The following ARHGAP19 variants were observed in gnomAD, a reference collection of about 807,000 sequenced individuals.
ARHGAP19 encodes the protein rho GTPase-activating protein 19.
In ARHGAP19, 48 loss-of-function variants were observed where a neutral mutation model predicts 60.9. That is an observed-to-expected ratio of 0.79 (90% confidence interval 0.62 to 1.00). The LOEUF is 1.00. Among genes scored for constraint, ARHGAP19 ranks in the 50% least tolerant of loss-of-function variants. The pLI, the probability that ARHGAP19 is intolerant of heterozygous loss-of-function variation, is 0.00. For missense variants in ARHGAP19, 562 were observed against 597.2 expected (o/e 0.94, Z 0.61); for synonymous variants, 209 against 215.5 (o/e 0.97, Z 0.27).
chr10:97,284,008 A>C (rs1335521460), intron 1 of ARHGAP19, among the ~76,000 whole-genome samples: 2 of 151,574 alleles, frequency 1.3e-5, no homozygotes, highest in Admixed American at 6.6e-5. Context: ...ATCATAGCTC[A>C]CTGCAGCCTT....
intron 9 of ARHGAP19, among the ~76,000 whole-genome samples, chr10:97,234,257 G>A (rs995193524): frequency 6.6e-6 from 1 of 151,666 alleles, no homozygotes; most frequent in Admixed American, 6.6e-5. Flanking sequence ...ACAACAGCGA[G>A]ACTCTGTCTC....
intron 1 of ARHGAP19, among the ~76,000 whole-genome samples, chr10:97,269,254 C>T (rs985655086): frequency 1.1e-4 from 16 of 152,160 alleles, no homozygotes; most frequent in African/African-American, 2.2e-4. Context: ...CTTCAAAATT[C>T]GTCTCTATTT....
Position 97,261,145 on chromosome 10 carries a change from A to G in ARHGAP19, c.614-1517T>C, listed in dbSNP as rs147565501. ...CCCTAACAGACTAAAAAGGTTATCAATGAAAACAGTCCCCTGGATAATGAG... is the reference window on the plus strand; with the variant it reads ...CCCTAACAGACTAAAAAGGTTATCAGTGAAAACAGTCCCCTGGATAATGAG... On this transcript the variant is annotated intron_variant, in intron 4 of 11. Coordinates refer to ENST00000358531, the MANE Select transcript of ARHGAP19 (RefSeq NM_032900.6). Among the ~76,000 whole-genome samples, 6 of 152,320 alleles carry G rather than the reference A, an allele frequency of 3.9e-5. No homozygotes were observed. The East Asian group carries it at 1.2e-3, about 29-fold the overall frequency.
In ARHGAP19 at chr10:97,270,798, A is replaced by G. The variant is rs2134899975; in HGVS notation, c.57-4673T>C. Reference sequence around the variant, plus strand: ...GCAGTACTTAGGACTCTGAGCACTCATCTGCAAGAAGGAAAATAGAGATAA... The same window carrying G: ...GCAGTACTTAGGACTCTGAGCACTCGTCTGCAAGAAGGAAAATAGAGATAA... On this transcript the variant is annotated intron_variant, in intron 1 of 11. Coordinates refer to ENST00000358531, the MANE Select transcript of ARHGAP19 (RefSeq NM_032900.6). 7.5e-6 allele frequency: 5 copies of G among 666,318 alleles called. No individual in the cohort carries two copies. The East Asian group carries it at 1.4e-4, about 19-fold the overall frequency. 41.3% of individuals were successfully genotyped at this position (666,318 alleles called of 1,614,324 possible). A position where few individuals can be genotyped will look rare whatever the true frequency, so the allele number is the denominator to read the frequency against.
Position 97,289,679 on chromosome 10 carries a change from AC to A in ARHGAP19, c.56+2892del, listed in dbSNP as rs563764977. On this transcript the variant is annotated intron_variant, in intron 1 of 11. Coordinates refer to ENST00000358531, the MANE Select transcript of ARHGAP19 (RefSeq NM_032900.6). ...GCAAGACCCCGGTTTCTACAAAAAAACAAAACAACAACAACAACAAAAACAC... is the reference window on the plus strand; with the variant it reads ...GCAAGACCCCGGTTTCTACAAAAAAAAAAACAACAACAACAACAAAAACAC... Among the ~76,000 whole-genome samples the A allele has an allele frequency of 2.2e-3, 333 of 152,014 alleles. 1 individual carries two copies. The highest frequency in any genetic ancestry group is 7.6e-3 in the African/African-American group (315 of 41,470).
chr10:97,228,351 A>G (rs1287770450), intron 11 of ARHGAP19, among the ~76,000 whole-genome samples: 1 of 152,262 alleles, frequency 6.6e-6, no homozygotes, highest in East Asian at 1.9e-4. Flanking sequence ...CGTTTTCTAC[A>G]GTAACAACTA....
chr10:97,226,100 A>G lies in ARHGAP19; in HGVS notation c.*22T>C. On this transcript the variant is annotated 3_prime_UTR_variant, in exon 12 of 12. Transcript: ENST00000358531. ...CTAAACAGAAAATTCTGCATGGACC[A>G]TAGGAGACAACTCTGGATCCTTCAG... The G allele has an allele frequency of 1.2e-6, 2 of 1,613,476 alleles. No homozygotes were observed. The highest frequency in any genetic ancestry group is 1.7e-5 in the Admixed American group (1 of 60,002).
intron 6 of ARHGAP19, among the ~76,000 whole-genome samples, chr10:97,251,072 TAAGG>T (rs552345342): frequency 1.1e-5 from 1 of 90,980 alleles, no homozygotes; most frequent in African/African-American, 4.5e-5. Context: ...AGAAAGAAAA[TAAGG>T]AAGGAAGGGA....
At chr10:97,277,781 A>G (rs1460559362) in intron 1 of ARHGAP19, 1 of 152,268 alleles carries the variant, frequency 6.6e-6, no homozygotes, top group Middle Eastern at 3.2e-3. Flanking sequence ...CTCTGTTGCC[A>G]ATCAATTCCA....
At chr10:97,245,330 A>T (rs1589451986) in intron 7 of ARHGAP19, among the ~76,000 whole-genome samples, 1 of 152,012 alleles carries the variant, frequency 6.6e-6, no homozygotes, top group East Asian at 1.9e-4. Context: ...TTTAAAACTC[A>T]ATACTCATAT....
At chr10:97,280,696 T>C (rs79022491) in intron 1 of ARHGAP19, among the ~76,000 whole-genome samples, 6,691 of 151,994 alleles carry the variant, frequency 0.044, 212 homozygotes, top group Non-Finnish European at 0.061. Flanking sequence ...GATCCTCCCA[T>C]ACTCCCACAT....
At chr10:97,248,473 T>C (rs1349086902) in intron 6 of ARHGAP19, among the ~76,000 whole-genome samples, 1 of 151,796 alleles carries the variant, frequency 6.6e-6, no homozygotes, top group Non-Finnish European at 1.5e-5. Context: ...AAATACAAAA[T>C]ACAAGAAGCC....
intron 6 of ARHGAP19, among the ~76,000 whole-genome samples, chr10:97,255,438 G>A (rs756960828): frequency 2.0e-5 from 3 of 152,152 alleles, no homozygotes; most frequent in Admixed American, 6.6e-5. Flanking sequence ...TCAGCCAGGC[G>A]TGGCAGTGTA....
chr10:97,268,954 G>A (rs1589374881), intron 1 of ARHGAP19, among the ~76,000 whole-genome samples: 1 of 152,082 alleles, frequency 6.6e-6, no homozygotes, highest in Non-Finnish European at 1.5e-5. Flanking sequence ...TATTACATAA[G>A]CAGTCATCTA....
intron 6 of ARHGAP19, 57 bp downstream of exon 6, chr10:97,256,261 C>T (rs1045044407): frequency 6.7e-5 from 89 of 1,336,722 alleles, no homozygotes; most frequent in Non-Finnish European, 9.0e-5. Flanking sequence ...CACTTAGGAT[C>T]CCACCTTGCT....
chr10:97,255,630 A>G (rs572924490), intron 6 of ARHGAP19, among the ~76,000 whole-genome samples: 28 of 152,304 alleles, frequency 1.8e-4, no homozygotes, highest in African/African-American at 6.0e-4. Context: ...TATACACTAA[A>G]GAAAAGGTCA....
chr10:97,271,496 T>C (rs1024266891), intron 1 of ARHGAP19, among the ~76,000 whole-genome samples: 4 of 152,026 alleles, frequency 2.6e-5, no homozygotes, highest in Non-Finnish European at 5.9e-5. Flanking sequence ...CTTGACTCAA[T>C]AGAAAATTAG....
chr10:97,245,504 C>G (rs895080844), intron 7 of ARHGAP19, among the ~76,000 whole-genome samples: 1 of 150,060 alleles, frequency 6.7e-6, no homozygotes, highest in African/African-American at 2.5e-5. Flanking sequence ...GCCTGTAGTC[C>G]CCAGCTACTC....
At chr10:97,269,593 C>T (rs767327570) in intron 1 of ARHGAP19, among the ~76,000 whole-genome samples, 21 of 152,022 alleles carry the variant, frequency 1.4e-4, no homozygotes, top group Non-Finnish European at 2.2e-4. Flanking sequence ...TCAAGAAGCA[C>T]GGGTCAATAT....
Sources: allele counts gnomAD v4.1 joint callset (sites outside exome capture counted in the v4.1 genomes callset), GRCh38; gene constraint gnomAD v4.1.1; transcripts MANE v1.5; gene names NCBI Gene and HGNC (gene_info 2026-07-23, HGNC 2026-07-21).